Variants in LAPTM4B observed in about 807,000 individuals in gnomAD.
LAPTM4B encodes lysosomal-associated transmembrane protein 4B.
LAPTM4B carries 26 observed loss-of-function variants against 28.5 expected under a neutral mutation model. That is an observed-to-expected ratio of 0.91 (90% CI 0.67 to 1.27). LAPTM4B has a LOEUF of 1.27. Ranked by LOEUF, LAPTM4B falls within the 50% of genes most tolerant of loss-of-function variation. LAPTM4B has a pLI of 0.00. For synonymous variants in LAPTM4B, 109 were observed against 106.4 expected, an observed-to-expected ratio of 1.02 and a Z score of -0.15; for missense variants, 288 against 285.8, an observed-to-expected ratio of 1.01 and a Z score of -0.06.
chr8:97,850,191 C>A (rs1817501051), intron 6 of LAPTM4B, among the ~76,000 whole-genome samples: 1 of 151,956 alleles, frequency 6.6e-6, no homozygotes, highest in Non-Finnish European at 1.5e-5. Context: ...GTTAATAATT[C>A]TTCATGAAAC....
At chr8:97,837,962 AT>A (rs1367932230) in intron 6 of LAPTM4B, among the ~76,000 whole-genome samples, 1 of 151,884 alleles carries the variant, frequency 6.6e-6, no homozygotes, top group Admixed American at 6.6e-5. Flanking sequence ...TTTTCTTTTG[AT>A]TTTAAAAGCC....
chr8:97,834,173 G>T (rs2512058), intron 6 of LAPTM4B, among the ~76,000 whole-genome samples: 66,248 of 144,768 alleles, frequency 0.46, 15,568 homozygotes, highest in East Asian at 0.57. Context: ...GGTGGCATGT[G>T]CCTGTAGTTC....
At chr8:97,803,499 C>G (rs1480270740) in intron 1 of LAPTM4B, among the ~76,000 whole-genome samples, 1 of 152,128 alleles carries the variant, frequency 6.6e-6, no homozygotes, top group Non-Finnish European at 1.5e-5. Context: ...GTCTCGAACT[C>G]CTAATCTCAA....
chr8:97,849,552 A>G lies in LAPTM4B; in HGVS notation c.604-1845A>G, dbSNP rs905946623. ...CTGTATCTTGGTTAATACCTGACAT[A>G]TAAAGTATTTAGCACATAGGCAAAG... On this transcript the variant is annotated intron_variant, in intron 6 of 6. Transcript: ENST00000521545. Among the ~76,000 whole-genome samples the G allele has an allele frequency of 2.6e-5, 4 of 152,362 alleles. No individual in the cohort carries two copies. In the East Asian group the frequency reaches 5.8e-4, roughly 22 times the overall value.
chr8:97,832,530 A>T (rs1030318800), intron 6 of LAPTM4B, among the ~76,000 whole-genome samples: 2 of 152,030 alleles, frequency 1.3e-5, no homozygotes, highest in African/African-American at 2.4e-5. Flanking sequence ...ATTTTTTAAA[A>T]TTTTCTTCTG....
intron 5 of LAPTM4B, among the ~76,000 whole-genome samples, chr8:97,821,692 C>T (rs1475720306): frequency 7.2e-5 from 11 of 152,080 alleles, no homozygotes; most frequent in Non-Finnish European, 1.5e-4. Context: ...CTTGGGAGAG[C>T]AAGGAGCAAG....
rs566403052 is a variant in LAPTM4B, at chr8:97,812,101, C to T, written c.212-3227C>T. ...GATTGCAGGAGTGAGCCACCGCGCCCGGCCTGGCTCTTTATTTTCATCAAT... is the reference window on the plus strand; with the variant it reads ...GATTGCAGGAGTGAGCCACCGCGCCTGGCCTGGCTCTTTATTTTCATCAAT... On this transcript the variant is annotated intron_variant, in intron 2 of 6. Transcript: ENST00000521545. 6.6e-5 allele frequency among the ~76,000 whole-genome samples: 10 copies of T among 152,098 alleles called. No individual in the cohort carries two copies. In the South Asian group the frequency reaches 1.0e-3, roughly 16 times the overall value.
intron 6 of LAPTM4B, among the ~76,000 whole-genome samples, chr8:97,835,188 C>T (rs972534702): frequency 6.6e-6 from 1 of 152,160 alleles, no homozygotes; most frequent in Non-Finnish European, 1.5e-5. Flanking sequence ...TCACTTATTC[C>T]AGATACTAGG....
chr8:97,778,304 TTTTC>T (rs1039023484), intron 1 of LAPTM4B, among the ~76,000 whole-genome samples: 4 of 152,126 alleles, frequency 2.6e-5, no homozygotes, highest in South Asian at 2.1e-4. Flanking sequence ...AGCCTTTTTC[TTTTC>T]TTTCTTTTTT....
At chr8:97,786,950 C>T (rs547998607) in intron 1 of LAPTM4B, among the ~76,000 whole-genome samples, 1 of 152,192 alleles carries the variant, frequency 6.6e-6, no homozygotes, top group South Asian at 2.1e-4. Context: ...GTTAACAGTT[C>T]AGGGAGTGTT....
chr8:97,834,144 G>GAAAAAAAAAGAAAAAAAAAAAAAA (rs1817225176), intron 6 of LAPTM4B, among the ~76,000 whole-genome samples: 1 of 75,344 alleles, frequency 1.3e-5, no homozygotes, highest in African/African-American at 4.2e-5. Flanking sequence ...TGTCTCTACA[G>GAAAAAAAAAGAAAAAAAAAAAAAA]AAAAAAAAAA....
chr8:97,789,086 ATTTT>A (rs1158628305), intron 1 of LAPTM4B, among the ~76,000 whole-genome samples: 2 of 113,186 alleles, frequency 1.8e-5, no homozygotes, highest in Non-Finnish European at 3.7e-5. Flanking sequence ...TTATTTATTT[ATTTT>A]GAGACGGAGT....
intron 1 of LAPTM4B, among the ~76,000 whole-genome samples, chr8:97,795,736 C>T (rs12547766): frequency 0.47 from 70,265 of 150,648 alleles, 16,820 homozygotes; most frequent in African/African-American, 0.56. Flanking sequence ...GCCTGTAGTC[C>T]CAGCTACTCT....
At chr8:97,826,041 C>T (rs1459388307) in intron 6 of LAPTM4B, among the ~76,000 whole-genome samples, 1 of 152,136 alleles carries the variant, frequency 6.6e-6, no homozygotes, top group Non-Finnish European at 1.5e-5. Context: ...TTTCTGGTGA[C>T]TTGCTCACTC....
At position 97,823,385 on chromosome 8, in the gene LAPTM4B, GTTT is replaced by G. The variant is rs141429763; in HGVS notation, c.508-1668_508-1666del. ...TTTTTTTGTTGTTGTTGTTGTTGTTGTTTTTTTGAGACGGAGTCTCACTCTGTC... is the reference window on the plus strand; with the variant it reads ...TTTTTTTGTTGTTGTTGTTGTTGTTGTTTTGAGACGGAGTCTCACTCTGTC... On this transcript the variant is annotated intron_variant, in intron 5 of 6. Coordinates refer to ENST00000521545, the MANE Select transcript of LAPTM4B (RefSeq NM_018407.6). 1.1e-3 allele frequency among the ~76,000 whole-genome samples: 146 copies of G among 130,552 alleles called. 1 individual carries two copies. The highest frequency in any genetic ancestry group is 1.3e-3 in the Non-Finnish European group (82 of 61,444). 85.6% of individuals were successfully genotyped at this position (130,552 alleles called of 152,430 possible). A position where few individuals can be genotyped will look rare whatever the true frequency, so the allele number is the denominator to read the frequency against.
intron 6 of LAPTM4B, among the ~76,000 whole-genome samples, chr8:97,842,644 G>A (rs1175474952): frequency 3.3e-5 from 5 of 151,218 alleles, no homozygotes; most frequent in Non-Finnish European, 7.4e-5. Context: ...TCAGCCTCCA[G>A]AGTAGTTGGG....
At chr8:97,844,224 C>T (rs1043437383) in intron 6 of LAPTM4B, among the ~76,000 whole-genome samples, 1 of 152,082 alleles carries the variant, frequency 6.6e-6, no homozygotes, top group African/African-American at 2.4e-5. Context: ...TCCCAAGTAG[C>T]TGGGATTACA....
intron 1 of LAPTM4B, among the ~76,000 whole-genome samples, chr8:97,798,606 G>A (rs947435105): frequency 6.6e-6 from 1 of 152,062 alleles, no homozygotes; most frequent in Non-Finnish European, 1.5e-5. Flanking sequence ...GGTGATAATA[G>A]TTACTGCAGC....
Position 97,776,015 on chromosome 8 carries a change from G to T in LAPTM4B, c.6G>T (p.Lys2Asn). M[K>N]MVAPWTRFYS... ...GCGCCACTGCGCCCGGAGCGATGAA[G>T]ATGGTCGCGCCCTGGACGCGGTTCT... Residue 2 changes from lysine (K) to asparagine (N), a missense_variant, in exon 1 of 7, where the codon AAG becomes AAT. Coordinates refer to ENST00000521545, the MANE Select transcript of LAPTM4B (RefSeq NM_018407.6). 6.3e-7 allele frequency: 1 copy of T among 1,576,718 alleles called. No homozygotes were observed. Among genetic ancestry groups the T allele is most frequent in the Non-Finnish European group, 8.6e-7 (1 of 1,166,238 alleles).
Sources: allele counts gnomAD v4.1 joint callset (sites outside exome capture counted in the v4.1 genomes callset), GRCh38; gene constraint gnomAD v4.1.1; transcripts MANE v1.5; gene names NCBI Gene and HGNC (gene_info 2026-07-23, HGNC 2026-07-21).